The following SLC25A20 variants were observed in gnomAD, a reference collection of about 807,000 sequenced individuals.
SLC25A20 encodes mitochondrial carnitine/acylcarnitine carrier protein.
SLC25A20 carries 29 observed loss-of-function variants against 39.7 expected under a neutral mutation model. The observed-to-expected ratio is 0.73, with a 90% CI of 0.54 to 1.00. SLC25A20 has a LOEUF of 1.00. Ranked by LOEUF, SLC25A20 falls within the 50% of genes least tolerant of loss-of-function variation. SLC25A20 has a pLI of 0.00. For missense variants in SLC25A20, 333 were observed against 379.9 expected (o/e 0.88, Z 1.03); for synonymous variants, 103 against 142.2 (o/e 0.72, Z 1.96).
intron 3 of SLC25A20, among the ~76,000 whole-genome samples, chr3:48,883,709 C>T (rs1192853655): frequency 7.0e-6 from 1 of 143,092 alleles, no homozygotes; most frequent in African/African-American, 2.6e-5. Context: ...CAACCTCTTG[C>T]CTCCCAAGTT....
intron 4 of SLC25A20, among the ~76,000 whole-genome samples, chr3:48,864,557 TG>T (rs2083651802): frequency 6.6e-6 from 1 of 151,240 alleles, no homozygotes; most frequent in Admixed American, 6.6e-5. Flanking sequence ...TGAGTATCAA[TG>T]GTTTTTTTTT....
At chr3:48,869,038 A>T (rs1289519121) in intron 4 of SLC25A20, among the ~76,000 whole-genome samples, 1 of 152,182 alleles carries the variant, frequency 6.6e-6, no homozygotes, top group Non-Finnish European at 1.5e-5. Flanking sequence ...AATAAAAATG[A>T]GCACCCCATC....
At chr3:48,891,608 AG>A (rs2083878070) in intron 2 of SLC25A20, among the ~76,000 whole-genome samples, 1 of 152,042 alleles carries the variant, frequency 6.6e-6, no homozygotes, top group Non-Finnish European at 1.5e-5. Flanking sequence ...CCTGACCTCA[AG>A]TGATCCACCT....
intron 4 of SLC25A20, among the ~76,000 whole-genome samples, chr3:48,875,742 C>T (rs868559372): frequency 3.9e-5 from 6 of 152,154 alleles, no homozygotes; most frequent in Admixed American, 3.9e-4. Context: ...CCATGCTGGG[C>T]ATGATGGCTC....
intron 5 of SLC25A20, among the ~76,000 whole-genome samples, chr3:48,861,450 G>A (rs1202234933): frequency 6.6e-6 from 1 of 152,178 alleles, no homozygotes; most frequent in East Asian, 1.9e-4. Context: ...CCCTCAGCTG[G>A]GCTTAGTGGC....
rs2083911214 is a variant in SLC25A20 at position 48,896,599 on chromosome 3, C to A, written c.105+2091G>T. On this transcript the variant is annotated intron_variant, in intron 1 of 8. Transcript: ENST00000319017. ...AATCTCAGCTCACTGCAACCTCCGC[C>A]CTGTGGGTTCAAGCGATTCTCCTGC... is the stretch of plus-strand genomic sequence containing the variant. Among the ~76,000 whole-genome samples the A allele has an allele frequency of 2.0e-5, 3 of 152,164 alleles. No individual in the cohort carries two copies. The South Asian group carries it at 6.2e-4, about 32-fold the overall frequency.
At chr3:48,897,360 TA>T in intron 1 of SLC25A20, among the ~76,000 whole-genome samples, 1 of 111,734 alleles carries the variant, frequency 8.9e-6, no homozygotes, top group African/African-American at 3.6e-5. Flanking sequence ...TATATATATA[TA>T]TATATATTTT....
chr3:48,857,668 C>A lies in SLC25A20; in HGVS notation c.*42G>T. Reference sequence around the variant, plus strand: ...GCTTACTACTCCTTCTCCTCAACGACAGCTTCCAGCATCCAGAAGTGAACT... The same window carrying A: ...GCTTACTACTCCTTCTCCTCAACGAAAGCTTCCAGCATCCAGAAGTGAACT... On this transcript the variant is annotated 3_prime_UTR_variant, in exon 9 of 9. Coordinates refer to ENST00000319017, the MANE Select transcript of SLC25A20 (RefSeq NM_000387.6). The A allele has an allele frequency of 6.3e-7, 1 of 1,593,400 alleles. No individual in the cohort carries two copies. Among genetic ancestry groups the A allele is most frequent in the South Asian group, 1.1e-5 (1 of 90,046 alleles).
intron 4 of SLC25A20, among the ~76,000 whole-genome samples, chr3:48,867,653 G>T (rs1008318849): frequency 6.6e-6 from 1 of 150,566 alleles, no homozygotes; most frequent in Non-Finnish European, 1.5e-5. Context: ...GTCAGTGGCT[G>T]AGGGAAAAAA....
chr3:48,898,624 G>A (rs1401560692), intron 1 of SLC25A20, 66 bp downstream of exon 1: 3 of 1,437,948 alleles, frequency 2.1e-6, no homozygotes, highest in East Asian at 2.5e-5. Context: ...GCGCCTCGCG[G>A]GGGACCATGC....
chr3:48,873,968 CAAAAAAAAAAAAAA>C (rs11316117), intron 4 of SLC25A20, among the ~76,000 whole-genome samples: 1 of 41,076 alleles, frequency 2.4e-5, no homozygotes, highest in South Asian at 1.4e-3. Flanking sequence ...GACTCCATCT[CAAAAAAAAAAAAAA>C]AAAAAAAAAG....
intron 4 of SLC25A20, among the ~76,000 whole-genome samples, chr3:48,863,324 C>T (rs2083640817): frequency 6.6e-6 from 1 of 152,220 alleles, no homozygotes. Context: ...TGAAGACCAA[C>T]TGCATTCCAA....
At chr3:48,898,555 G>A in intron 1 of SLC25A20, 135 bp downstream of exon 1, 2 of 887,956 alleles carry the variant, frequency 2.3e-6, no homozygotes, top group Non-Finnish European at 3.6e-6. Context: ...ACCCCTGAAA[G>A]AGAGATTCCC....
At position 48,873,052 on chromosome 3, in the gene SLC25A20, T is replaced by C. The variant is rs146989942; in HGVS notation, c.417+6306A>G. Among the ~76,000 whole-genome samples, 130 of 151,458 alleles carry C rather than the reference T, an allele frequency of 8.6e-4. No individual in the cohort carries two copies. The Middle Eastern group carries it at 0.01, about 12-fold the overall frequency. On this transcript the variant is annotated intron_variant, in intron 4 of 8. Coordinates refer to ENST00000319017, the MANE Select transcript of SLC25A20 (RefSeq NM_000387.6). ...CAGCCTGGCCAACATGGTAAAACCC[T>C]GTCTCTACTAAAAATACAAAAACTA... is the stretch of plus-strand genomic sequence containing the variant.
Position 48,883,939 on chromosome 3 carries a change from T to G in SLC25A20, c.326+58A>C, listed in dbSNP as rs1421531798. On this transcript the variant is annotated intron_variant, in intron 3 of 8. Transcript: ENST00000319017. ...GCGCCCTGCCCAAGTTTCTTTATTT[T>G]AACCCATGTCACGCTACCAGGCAGA... 1.9e-6 allele frequency: 3 copies of G among 1,603,292 alleles called. No homozygotes were observed. The African/African-American group carries it at 4.0e-5, about 21-fold the overall frequency.
At chr3:48,857,891 C>T (rs1019184913) in intron 8 of SLC25A20, 119 bp from the exon 9 acceptor site, 2 of 804,554 alleles carry the variant, frequency 2.5e-6, no homozygotes, top group South Asian at 3.0e-5. Context: ...CCCACACCCA[C>T]TCCACATCAA....
chr3:48,894,889 C>G (rs1485192510), intron 1 of SLC25A20, among the ~76,000 whole-genome samples: 1 of 152,202 alleles, frequency 6.6e-6, no homozygotes, highest in East Asian at 1.9e-4. Context: ...ATGATCTTGG[C>G]TCACCGCAAC....
intron 8 of SLC25A20, 121 bp downstream of exon 8, chr3:48,858,386 C>A: frequency 2.1e-6 from 3 of 1,431,760 alleles, no homozygotes; most frequent in Non-Finnish European, 2.9e-6. Flanking sequence ...AATGCTCTGG[C>A]TGAAGATAGG....
At chr3:48,885,317 TAGAC>T (rs1172212168) in intron 2 of SLC25A20, among the ~76,000 whole-genome samples, 1 of 151,574 alleles carries the variant, frequency 6.6e-6, no homozygotes, top group Non-Finnish European at 1.5e-5. Context: ...AATAAATAAT[TAGAC>T]AGACAGACAA....
Sources: gnomAD v4.1 joint callset for allele counts (sites outside exome capture counted in the v4.1 genomes callset) on GRCh38, gnomAD v4.1.1 for gene constraint, MANE v1.5 for transcripts, NCBI Gene and HGNC (gene_info 2026-07-23, HGNC 2026-07-21) for gene names.